Variants in FXR1 observed in about 807,000 individuals in gnomAD.
FXR1 encodes FMR1 autosomal homolog 1.
A neutral mutation model predicts 84.0 loss-of-function variants in FXR1; 15 were observed. The observed-to-expected ratio is 0.18, with a 90% CI of 0.12 to 0.27. FXR1 has a LOEUF of 0.27. FXR1 is among the 10% of genes least tolerant of loss of function. The pLI, the probability that FXR1 is intolerant of heterozygous loss-of-function variation, is 1.00. For missense variants in FXR1, 480 were observed against 774.4 expected, an observed-to-expected ratio of 0.62 and a Z score of 4.51; for synonymous variants, 245 against 250.7, an observed-to-expected ratio of 0.98 and a Z score of 0.21.
intron 6 of FXR1, 106 bp downstream of exon 6, chr3:180,948,920 AATTT>A (rs758317429): frequency 1.5e-6 from 1 of 684,496 alleles, no homozygotes; most frequent in East Asian, 2.5e-5. Context: ...GTGTATAGTG[AATTT>A]ATTAATATAG....
rs79881434 is a variant in FXR1 at position 180,977,075 on chromosome 3, CT to C, written c.*797del. ...TTCAGTAGAGTATCTTTTTTTTTTCCTTTTTTTTTTTTTTATTTCGGTTGTT... is the reference window on the plus strand; with the variant it reads ...TTCAGTAGAGTATCTTTTTTTTTTCCTTTTTTTTTTTTTATTTCGGTTGTT... On this transcript the variant is annotated 3_prime_UTR_variant, in exon 17 of 17. Transcript: ENST00000357559. 3,201 of 139,100 alleles carry C rather than the reference CT, an allele frequency of 0.023. 37 individuals are homozygous for C. The highest frequency in any genetic ancestry group is 0.05 in the African/African-American group (1,895 of 38,068). The allele number at this position is 139,100 out of a possible 1,614,324, so 8.6% of individuals were successfully genotyped here. A position where few individuals can be genotyped will look rare whatever the true frequency, so the allele number is the denominator to read the frequency against.
rs1476314458 is a variant in FXR1 at position 180,981,486 on chromosome 3, C to G, written c.*5194C>G. ...CAACCCATTATAGCTCACTTCTTAC[C>G]AACAAAGCAGTTTTTATACAGCACC... is the stretch of plus-strand genomic sequence containing the variant. On this transcript the variant is annotated 3_prime_UTR_variant, in exon 17 of 17. Coordinates refer to ENST00000357559, the MANE Select transcript of FXR1 (RefSeq NM_005087.4). 1 of 151,978 alleles carries G rather than the reference C, an allele frequency of 6.6e-6. No homozygotes were observed. Among genetic ancestry groups the G allele is most frequent in the Non-Finnish European group, 1.5e-5 (1 of 67,936 alleles). 9.4% of individuals were successfully genotyped at this position (151,978 alleles called of 1,614,324 possible).
intron 1 of FXR1, among the ~76,000 whole-genome samples, chr3:180,920,846 C>G (rs1358748632): frequency 6.6e-6 from 1 of 152,118 alleles, no homozygotes; most frequent in African/African-American, 2.4e-5. Context: ...GAACTGTTAA[C>G]TTATTCCATT....
intron 1 of FXR1, among the ~76,000 whole-genome samples, chr3:180,913,176 C>T (rs1481328866): frequency 6.6e-6 from 1 of 152,168 alleles, no homozygotes; most frequent in African/African-American, 2.4e-5. Flanking sequence ...GCTCCTCCGA[C>T]CCCTCCCCAC....
At chr3:180,965,675 A>G (rs1056257006) in intron 13 of FXR1, among the ~76,000 whole-genome samples, 2 of 152,210 alleles carry the variant, frequency 1.3e-5, no homozygotes, top group African/African-American at 2.4e-5. Flanking sequence ...TAATCTCTCT[A>G]TCTCAAGGTC....
intron 8 of FXR1, among the ~76,000 whole-genome samples, chr3:180,952,658 TTTG>T (rs1197494002): frequency 2.0e-5 from 3 of 151,974 alleles, no homozygotes; most frequent in South Asian, 2.1e-4. Context: ...AGGCTTGGAG[TTTG>T]TTACTTGTAT....
rs74461030 is a variant in FXR1 at position 180,970,602 on chromosome 3, A to T, written c.1603+244A>T. 53 of 157,640 alleles carry T rather than the reference A, an allele frequency of 3.4e-4. 1 individual carries two copies. In the East Asian group the frequency reaches 9.1e-3, roughly 27 times the overall value. The allele number at this position is 157,640 out of a possible 1,614,324, so 9.8% of individuals were successfully genotyped here. A position where few individuals can be genotyped will look rare whatever the true frequency, so the allele number is the denominator to read the frequency against. ...ACTTGGAGGGTTAAAGTGCCCTTTG[A>T]TGCCATTAAATCAGTACAAATATTC... On this transcript the variant is annotated intron_variant, in intron 15 of 16. Transcript: ENST00000357559.
At chr3:180,973,542 C>T (rs1805624) in intron 15 of FXR1, among the ~76,000 whole-genome samples, 4,743 of 152,286 alleles carry the variant, frequency 0.031, 248 homozygotes, top group African/African-American at 0.11. Flanking sequence ...AATAGGTTTG[C>T]TACCATGTAT....
chr3:180,919,269 T>A (rs1718263844), intron 1 of FXR1, among the ~76,000 whole-genome samples: 1 of 147,806 alleles, frequency 6.8e-6, no homozygotes, highest in South Asian at 2.1e-4. Context: ...CACCTAAATT[T>A]TATTTTTTTT....
intron 9 of FXR1, among the ~76,000 whole-genome samples, chr3:180,955,351 C>G (rs1722647802): frequency 6.6e-6 from 1 of 152,086 alleles, no homozygotes; most frequent in African/African-American, 2.4e-5. Context: ...GACATTACTG[C>G]CAATTGTGTA....
At chr3:180,970,381 G>T in intron 15 of FXR1, 23 bp downstream of exon 15, 2 of 474,554 alleles carry the variant, frequency 4.2e-6, no homozygotes, top group Non-Finnish European at 7.9e-6. Context: ...TTAGGGAAGA[G>T]AAATATATAT....
intron 1 of FXR1, among the ~76,000 whole-genome samples, chr3:180,931,511 A>T (rs1719894926): frequency 6.6e-6 from 1 of 152,044 alleles, no homozygotes; most frequent in African/African-American, 2.4e-5. Flanking sequence ...GAGTCACTGC[A>T]CCGGGCCTAC....
intron 1 of FXR1, among the ~76,000 whole-genome samples, chr3:180,931,945 T>A (rs930698259): frequency 2.0e-5 from 3 of 151,688 alleles, no homozygotes; most frequent in African/African-American, 7.3e-5. Context: ...TCCACTGTCT[T>A]GCCTAGGATG....
intron 13 of FXR1, among the ~76,000 whole-genome samples, chr3:180,965,021 C>CTT (rs551310034): frequency 6.9e-6 from 1 of 145,454 alleles, no homozygotes; most frequent in Non-Finnish European, 1.5e-5. Context: ...TGTTTTGTTA[C>CTT]TTTTTTTTTT....
chr3:180,970,383 AATATATATATATATATATAT>A lies in FXR1; in HGVS notation c.1603+45_1603+64del, dbSNP rs56345724. The A allele has an allele frequency of 1.8e-3, 665 of 368,184 alleles. 14 individuals carry two copies. The highest frequency in any genetic ancestry group is 4.6e-3 in the African/African-American group (152 of 33,010). The allele number at this position is 368,184 out of a possible 1,614,324, so 22.8% of individuals were successfully genotyped here. On this transcript the variant is annotated intron_variant, in intron 15 of 16. Transcript: ENST00000357559. ...GGTATGTAAGCACTTAGGGAAGAGA[AATATATATATATATATATAT>A]ATATATATATATATATATAATTGTA...
chr3:180,975,711 A>G (rs1714154925), intron 16 of FXR1, among the ~76,000 whole-genome samples: 1 of 152,204 alleles, frequency 6.6e-6, no homozygotes, highest in Non-Finnish European at 1.5e-5. Context: ...ATTGATGGAT[A>G]TAGACCTTTT....
chr3:180,952,399 A>G (rs1337862339), intron 8 of FXR1, among the ~76,000 whole-genome samples: 3 of 152,194 alleles, frequency 2.0e-5, no homozygotes, highest in Non-Finnish European at 4.4e-5. Context: ...TAACATAGTA[A>G]TTAAGAAGAC....
intron 1 of FXR1, among the ~76,000 whole-genome samples, chr3:180,918,511 C>A (rs1718170448): frequency 6.6e-6 from 1 of 151,860 alleles, no homozygotes; most frequent in Admixed American, 6.6e-5. Flanking sequence ...AGGGCAGATA[C>A]TTTGCTGGAT....
chr3:180,969,909 A>G (rs1713319392), intron 14 of FXR1, among the ~76,000 whole-genome samples: 1 of 152,164 alleles, frequency 6.6e-6, no homozygotes, highest in African/African-American at 2.4e-5. Context: ...AGGCACAGGA[A>G]ATGTTAGGAA....
Sources: allele counts gnomAD v4.1 joint callset (sites outside exome capture counted in the v4.1 genomes callset), GRCh38; gene constraint gnomAD v4.1.1; transcripts MANE v1.5; gene names NCBI Gene and HGNC (gene_info 2026-07-23, HGNC 2026-07-21).